Variants in SND1 observed in about 807,000 individuals in gnomAD.
SND1 encodes staphylococcal nuclease domain-containing protein 1.
In SND1, 38 loss-of-function variants were observed where a neutral mutation model predicts 121.7. The ratio of observed to expected loss-of-function variants is 0.31; its 90% CI spans 0.24 to 0.41. The LOEUF (loss-of-function observed/expected upper bound fraction) is 0.41, where lower values mean the gene tolerates loss of function less well. Ranked by LOEUF, SND1 falls within the 10% of genes least tolerant of loss-of-function variation. The pLI is 1.00. For missense variants in SND1, 868 were observed against 1,184.6 expected, an observed-to-expected ratio of 0.73 and a Z score of 3.92; for synonymous variants, 401 against 447.4, an observed-to-expected ratio of 0.90 and a Z score of 1.31.
At chr7:127,767,247 T>G (rs1254977557) in intron 10 of SND1, among the ~76,000 whole-genome samples, 1 of 152,180 alleles carries the variant, frequency 6.6e-6, no homozygotes, top group Non-Finnish European at 1.5e-5. Context: ...CACTGTTTAA[T>G]GTAGTAGACA....
chr7:127,682,415 A>G (rs537900875), intron 1 of SND1, among the ~76,000 whole-genome samples: 1 of 152,306 alleles, frequency 6.6e-6, no homozygotes, highest in East Asian at 1.9e-4. Context: ...TGTCTAATCC[A>G]TAACCTCAAT....
chr7:127,848,001 A>G (rs1799097826), intron 12 of SND1, among the ~76,000 whole-genome samples: 2 of 152,232 alleles, frequency 1.3e-5, no homozygotes, highest in African/African-American at 2.4e-5. Flanking sequence ...AGATCTTTCT[A>G]GATAACTGAC....
At chr7:128,055,561 C>T (rs922402686) in intron 16 of SND1, among the ~76,000 whole-genome samples, 1 of 152,142 alleles carries the variant, frequency 6.6e-6, no homozygotes, top group Admixed American at 6.5e-5. Context: ...GGGCTGGGCT[C>T]ATGCTGAGCA....
intron 1 of SND1, among the ~76,000 whole-genome samples, chr7:127,683,697 A>G (rs528907639): frequency 1.4e-4 from 21 of 152,190 alleles, no homozygotes; most frequent in Admixed American, 7.2e-4. Context: ...ACACATGCCA[A>G]TCCTCTCCTC....
At chr7:127,678,817 C>T (rs926897169) in intron 1 of SND1, among the ~76,000 whole-genome samples, 7 of 152,138 alleles carry the variant, frequency 4.6e-5, no homozygotes, top group Non-Finnish European at 1.0e-4. Context: ...TTTTTAGTTA[C>T]TCTTGCTTTC....
intron 1 of SND1, among the ~76,000 whole-genome samples, chr7:127,653,629 C>T (rs1379835292): frequency 6.6e-6 from 1 of 152,102 alleles, no homozygotes; most frequent in African/African-American, 2.4e-5. Flanking sequence ...GGCAACATAG[C>T]AAGACCCAGT....
chr7:127,881,871 G>A (rs887390838), intron 12 of SND1, among the ~76,000 whole-genome samples: 1 of 152,060 alleles, frequency 6.6e-6, no homozygotes, highest in African/African-American at 2.4e-5. Flanking sequence ...TCTCCTGGAC[G>A]CAAGAGATCC....
chr7:127,983,994 C>T (rs1216623630), intron 15 of SND1, among the ~76,000 whole-genome samples: 1 of 152,170 alleles, frequency 6.6e-6, no homozygotes, highest in Admixed American at 6.5e-5. Context: ...CAAATATTTG[C>T]AGATTGTTAT....
At chr7:127,766,584 G>A (rs570188015) in intron 10 of SND1, among the ~76,000 whole-genome samples, 11 of 151,632 alleles carry the variant, frequency 7.3e-5, no homozygotes, top group Non-Finnish European at 1.2e-4. Flanking sequence ...GACCATCCTG[G>A]CCAACGTGGT....
intron 13 of SND1, among the ~76,000 whole-genome samples, chr7:127,896,663 A>G (rs1220275112): frequency 6.6e-6 from 1 of 152,132 alleles, no homozygotes; most frequent in Non-Finnish European, 1.5e-5. Flanking sequence ...GTTATAAGTA[A>G]CAGAGAACAA....
At chr7:127,879,699 T>C (rs1799754567) in intron 12 of SND1, among the ~76,000 whole-genome samples, 1 of 152,106 alleles carries the variant, frequency 6.6e-6, no homozygotes, top group Non-Finnish European at 1.5e-5. Context: ...AGAATGCCTG[T>C]AATTGTGGGG....
chr7:127,987,412 G>A (rs1468336785), intron 15 of SND1, among the ~76,000 whole-genome samples: 1 of 152,210 alleles, frequency 6.6e-6, no homozygotes, highest in East Asian at 1.9e-4. Flanking sequence ...TGGGAGAGGA[G>A]GGCACAGCAT....
At chr7:127,780,466 G>A (rs962692187) in intron 10 of SND1, among the ~76,000 whole-genome samples, 1 of 152,206 alleles carries the variant, frequency 6.6e-6, no homozygotes, top group African/African-American at 2.4e-5. Context: ...TGATATTACA[G>A]ATAATGTATG....
At chr7:127,745,176 A>G (rs1446559815) in intron 10 of SND1, among the ~76,000 whole-genome samples, 1 of 152,214 alleles carries the variant, frequency 6.6e-6, no homozygotes, top group Non-Finnish European at 1.5e-5. Context: ...GTCATAGTGC[A>G]TACTCACACA....
chr7:128,015,803 G>A lies in SND1; in HGVS notation c.1779+24747G>A. Among the ~76,000 whole-genome samples the A allele has an allele frequency of 6.6e-6, 1 of 152,162 alleles. No individual in the cohort carries two copies. Among genetic ancestry groups the A allele is most frequent in the East Asian group, 1.9e-4 (1 of 5,180 alleles). ...GAAATTTGGAGCTGTACAGGAATCA[G>A]ATGTCCCACCTAGCAGGCTCTGCCG... On this transcript the variant is annotated intron_variant, in intron 16 of 23. Transcript: ENST00000354725. The surrounding 1 kb of genome is among the most constrained non-coding windows in gnomAD (Gnocchi z 4.5).
intron 15 of SND1, among the ~76,000 whole-genome samples, chr7:127,962,328 G>A (rs1801752085): frequency 1.3e-5 from 2 of 152,140 alleles, no homozygotes; most frequent in Admixed American, 1.3e-4. Context: ...CTTGGTTGAG[G>A]CTGAACAAAA....
At chr7:127,869,320 C>T (rs1944626821) in intron 12 of SND1, among the ~76,000 whole-genome samples, 1 of 151,888 alleles carries the variant, frequency 6.6e-6, no homozygotes, top group African/African-American at 2.4e-5. Flanking sequence ...ATGGGGTTAG[C>T]GAAGGAGGGA....
At chr7:127,946,067 C>T (rs1167180837) in intron 15 of SND1, among the ~76,000 whole-genome samples, 1 of 152,196 alleles carries the variant, frequency 6.6e-6, no homozygotes, top group Non-Finnish European at 1.5e-5. Context: ...TCTGGTACTG[C>T]CTTTCTTTTG....
intron 13 of SND1, among the ~76,000 whole-genome samples, chr7:127,894,129 G>T (rs1800068750): frequency 6.6e-6 from 1 of 152,050 alleles, no homozygotes; most frequent in Non-Finnish European, 1.5e-5. Flanking sequence ...TATTAAGAGG[G>T]ATTCAGTATT....
Sources: gnomAD v4.1 joint callset for allele counts (sites outside exome capture counted in the v4.1 genomes callset) on GRCh38, gnomAD v4.1.1 for gene constraint, Gnocchi (gnomAD v3.1) non-coding constraint, MANE v1.5 for transcripts, NCBI Gene and HGNC (gene_info 2026-07-23, HGNC 2026-07-21) for gene names.